SCIN: variants seen among roughly 807,000 people sequenced by gnomAD.
SCIN encodes the protein adseverin.
In SCIN, 91 loss-of-function variants were observed where a neutral mutation model predicts 91.8. The ratio of observed to expected loss-of-function variants is 0.99; its 90% confidence interval spans 0.84 to 1.18. SCIN has a LOEUF of 1.18. Ranked by LOEUF, SCIN falls within the 50% of genes most tolerant of loss-of-function variation. SCIN has a pLI of 0.00. For synonymous variants in SCIN, 367 were observed against 312.6 expected (o/e 1.17, Z -1.84); for missense variants, 1,087 against 863.9 (o/e 1.26, Z -3.24).
At chr7:12,608,719 C>T (rs899782713) in intron 4 of SCIN, among the ~76,000 whole-genome samples, 16 of 152,046 alleles carry the variant, frequency 1.1e-4, no homozygotes, top group Non-Finnish European at 2.4e-4. Context: ...CCTTGTGATC[C>T]GCCGGCCTTG....
chr7:12,633,860 T>C (rs111257149), intron 9 of SCIN, among the ~76,000 whole-genome samples: 30 of 152,314 alleles, frequency 2.0e-4, no homozygotes, highest in African/African-American at 6.5e-4. Context: ...GCTAGCATTA[T>C]AGGCTCTTGG....
Position 12,649,483 on chromosome 7 carries a change from G to T in SCIN, c.1898G>T (p.Gly633Val). 6.3e-7 allele frequency: 1 copy of T among 1,599,954 alleles called. No individual in the cohort carries two copies. Among genetic ancestry groups the T allele is most frequent in the Non-Finnish European group, 8.5e-7 (1 of 1,172,526 alleles). Residue 633 changes from glycine (G) to valine (V), a missense_variant, in exon 14 of 16, where the codon GGA becomes GTA. Physicochemically the swap from Gly to Val is moderately radical, Grantham distance 109. Transcript: ENST00000297029. ...ACCTTTCAGATTGAAGAGATTCCAG[G>T]AGAGTTCACCCAGGATGATTTAGCT... Reference protein sequence around the residue: ...TGRFVIEEIPGEFTQDDLAED... With the variant: ...TGRFVIEEIPVEFTQDDLAED...
chr7:12,645,687 C>T (rs1783952221), intron 13 of SCIN, among the ~76,000 whole-genome samples: 1 of 152,116 alleles, frequency 6.6e-6, no homozygotes, highest in Non-Finnish European at 1.5e-5. Context: ...TTGTTCCTCT[C>T]TATGTGTCCG....
intron 10 of SCIN, among the ~76,000 whole-genome samples, chr7:12,636,442 T>TA (rs1278643292): frequency 4.6e-5 from 7 of 152,206 alleles, no homozygotes; most frequent in African/African-American, 1.4e-4. Flanking sequence ...TTATCTGTAT[T>TA]ACTGTTTCCA....
intron 2 of SCIN, among the ~76,000 whole-genome samples, chr7:12,578,985 C>T (rs1236536210): frequency 7.0e-6 from 1 of 143,598 alleles, no homozygotes; most frequent in Non-Finnish European, 1.5e-5. Flanking sequence ...CCACTCACCC[C>T]TCCACACGTG....
rs1275901921 is a variant in SCIN at position 12,652,940 on chromosome 7, TA to T, written c.*230del. On this transcript the variant is annotated 3_prime_UTR_variant, in exon 16 of 16. Transcript: ENST00000297029. ...CAACATGGCGAAACCTCGCCTCTAC[TA>T]AAAATACAAAAAAATTAGCTGCGCG... The T allele has an allele frequency of 2.4e-6, 1 of 422,788 alleles. No individual in the cohort carries two copies. The highest frequency in any genetic ancestry group is 2.1e-5 in the African/African-American group (1 of 46,674). 26.2% of individuals were successfully genotyped at this position (422,788 alleles called of 1,614,324 possible). A position where few individuals can be genotyped will look rare whatever the true frequency, so the allele number is the denominator to read the frequency against.
chr7:12,580,341 T>A (rs928982606), intron 2 of SCIN, among the ~76,000 whole-genome samples: 3 of 152,324 alleles, frequency 2.0e-5, no homozygotes, highest in African/African-American at 7.2e-5. Flanking sequence ...AAGATGTAGT[T>A]GATACAGTTA....
intron 10 of SCIN, among the ~76,000 whole-genome samples, chr7:12,639,846 G>C (rs1364021236): frequency 1.3e-5 from 2 of 152,092 alleles, no homozygotes; most frequent in Non-Finnish European, 2.9e-5. Context: ...CAGAGATATA[G>C]AAATAATGGG....
chr7:12,575,505 G>A (rs886887640), intron 1 of SCIN, among the ~76,000 whole-genome samples: 19 of 151,794 alleles, frequency 1.3e-4, no homozygotes, highest in Non-Finnish European at 1.9e-4. Context: ...TCTAATTATC[G>A]TTGGAAGGTG....
chr7:12,621,637 GTTTTTT>G (rs60697843), intron 4 of SCIN, among the ~76,000 whole-genome samples: 1 of 106,394 alleles, frequency 9.4e-6, no homozygotes, highest in Non-Finnish European at 1.9e-5. Context: ...AAGTGTTTTA[GTTTTTT>G]TTTTTTTTTT....
chr7:12,639,668 A>G (rs1253532868), intron 10 of SCIN, among the ~76,000 whole-genome samples: 4 of 152,236 alleles, frequency 2.6e-5, no homozygotes, highest in Admixed American at 6.5e-5. Context: ...CTCATCCTGA[A>G]AAGTCTTTAT....
intron 3 of SCIN, among the ~76,000 whole-genome samples, chr7:12,581,541 CAT>C (rs1782488658): frequency 6.6e-6 from 1 of 152,138 alleles, no homozygotes. Context: ...CATGGGAAAA[CAT>C]AGCTTGAGGG....
At chr7:12,571,657 A>C (rs1195487861) in intron 1 of SCIN, 12 of 445,878 alleles carry the variant, frequency 2.7e-5, no homozygotes, top group Admixed American at 8.4e-5. Flanking sequence ...TTTATATACA[A>C]ATAAATAGCT....
chr7:12,586,669 T>A (rs950619911), intron 3 of SCIN, among the ~76,000 whole-genome samples: 19 of 152,106 alleles, frequency 1.2e-4, no homozygotes, highest in Non-Finnish European at 4.4e-5. Flanking sequence ...AGCAAACGTA[T>A]GGAATCAACA....
intron 4 of SCIN, among the ~76,000 whole-genome samples, chr7:12,610,362 T>A (rs946655534): frequency 6.6e-6 from 1 of 152,224 alleles, no homozygotes; most frequent in African/African-American, 2.4e-5. Flanking sequence ...AGATGTACTC[T>A]ACAAAGCCTG....
chr7:12,613,620 G>T (rs1783240694), intron 4 of SCIN, among the ~76,000 whole-genome samples: 1 of 152,126 alleles, frequency 6.6e-6, no homozygotes, highest in Non-Finnish European at 1.5e-5. Flanking sequence ...ATCACAGAGT[G>T]TTGGAACTGG....
chr7:12,644,762 T>A, intron 13 of SCIN, 57 bp downstream of exon 13: 1 of 1,523,946 alleles, frequency 6.6e-7, no homozygotes, highest in Non-Finnish European at 8.8e-7. Flanking sequence ...ATGCCTGTAA[T>A]CCCAGCACTT....
chr7:12,610,004 A>G (rs1290170258), intron 4 of SCIN, among the ~76,000 whole-genome samples: 1 of 152,226 alleles, frequency 6.6e-6, no homozygotes, highest in East Asian at 1.9e-4. Context: ...ATAAGCATGC[A>G]CTAGAAAATA....
In SCIN at chr7:12,625,003, A is replaced by T. The variant is rs1359485227; in HGVS notation, c.760-7A>T. On this transcript the variant is annotated splice_polypyrimidine_tract_variant and splice_region_variant and intron_variant, in intron 5 of 15. Transcript: ENST00000297029. ...TGAAAACATGGAGGTCATGGTTTTTATATTAGGTTTCAGATGCAAGTGGCT... is the reference window on the plus strand; with the variant it reads ...TGAAAACATGGAGGTCATGGTTTTTTTATTAGGTTTCAGATGCAAGTGGCT... The T allele has an allele frequency of 1.7e-5, 26 of 1,551,608 alleles. No homozygotes were observed. Among genetic ancestry groups the T allele is most frequent in the Non-Finnish European group, 2.3e-5 (26 of 1,147,142 alleles).
Sources: gnomAD v4.1 joint callset for allele counts (sites outside exome capture counted in the v4.1 genomes callset) on GRCh38, gnomAD v4.1.1 for gene constraint, MANE v1.5 for transcripts, NCBI Gene and HGNC (gene_info 2026-07-23, HGNC 2026-07-21) for gene names.